Variants in VTI1A observed in about 807,000 individuals in gnomAD.
VTI1A encodes vesicle transport through interaction with t-SNAREs 1A.
A neutral mutation model predicts 34.9 loss-of-function variants in VTI1A; 22 were observed. That is an observed-to-expected ratio of 0.63 (90% CI 0.45 to 0.90). The LOEUF (loss-of-function observed/expected upper bound fraction) is 0.90, where lower values mean the gene tolerates loss of function less well. Ranked by LOEUF, VTI1A falls within the 40% of genes least tolerant of loss-of-function variation. The pLI, the probability that VTI1A is intolerant of heterozygous loss-of-function variation, is 0.00. For synonymous variants in VTI1A, 87 were observed against 97.3 expected (o/e 0.89, Z 0.62); for missense variants, 268 against 275.6 (o/e 0.97, Z 0.20).
chr10:112,510,629 G>A (rs975433178), intron 3 of VTI1A, among the ~76,000 whole-genome samples: 1 of 151,824 alleles, frequency 6.6e-6, no homozygotes, highest in African/African-American at 2.4e-5. Flanking sequence ...GTGAGGCTTT[G>A]ACTCAAAAAA....
upstream of VTI1A, chr10:112,447,083 A>G (rs1846847279): frequency 2.3e-6 from 1 of 438,564 alleles, no homozygotes; most frequent in Non-Finnish European, 4.3e-6. Context: ...CAGAACTTGC[A>G]TATTTTCATA....
intron 5 of VTI1A, among the ~76,000 whole-genome samples, chr10:112,574,057 AT>A (rs1489391458): frequency 6.6e-6 from 1 of 152,118 alleles, no homozygotes; most frequent in Non-Finnish European, 1.5e-5. Context: ...TTTAAATTCC[AT>A]TTTTTTCTAA....
chr10:112,779,919 G>A (rs1283899425), intron 7 of VTI1A, among the ~76,000 whole-genome samples: 1 of 151,850 alleles, frequency 6.6e-6, no homozygotes, highest in Non-Finnish European at 1.5e-5. Context: ...TTGTTCTTTA[G>A]GTTTCTCACA....
intron 7 of VTI1A, among the ~76,000 whole-genome samples, chr10:112,802,558 T>C (rs1367660226): frequency 6.6e-6 from 1 of 152,174 alleles, no homozygotes; most frequent in Non-Finnish European, 1.5e-5. Context: ...CCAGCCAACC[T>C]GAGCTGCTCA....
the VTI1A span, among the ~76,000 whole-genome samples, chr10:112,850,844 G>A: frequency 6.6e-6 from 1 of 152,206 alleles, no homozygotes; most frequent in Non-Finnish European, 1.5e-5. Flanking sequence ...CAGGTGGCAT[G>A]TCCATGAAGC....
chr10:112,486,055 A>G (rs774994268), intron 3 of VTI1A, among the ~76,000 whole-genome samples: 1 of 152,250 alleles, frequency 6.6e-6, no homozygotes, highest in Admixed American at 6.5e-5. Context: ...GGGAAATATT[A>G]TGAATCTCCC....
intron 3 of VTI1A, among the ~76,000 whole-genome samples, chr10:112,510,916 C>A (rs1184144706): frequency 1.3e-5 from 2 of 151,998 alleles, no homozygotes; most frequent in Non-Finnish European, 2.9e-5. Context: ...GTTTAAATTG[C>A]CTGAATTTGA....
At chr10:112,548,163 A>G (rs1589889391) in intron 5 of VTI1A, among the ~76,000 whole-genome samples, 1 of 152,196 alleles carries the variant, frequency 6.6e-6, no homozygotes, top group South Asian at 2.1e-4. Context: ...CAGTACTGCA[A>G]CTTTATCGCC....
intron 7 of VTI1A, among the ~76,000 whole-genome samples, chr10:112,678,216 A>G (rs79390234): frequency 0.045 from 6,844 of 152,126 alleles, 223 homozygotes; most frequent in Non-Finnish European, 0.074. Context: ...CTTTCCTTTT[A>G]TGATTTTCCT....
At chr10:112,778,803 T>C (rs1176632317) in intron 7 of VTI1A, among the ~76,000 whole-genome samples, 1 of 152,136 alleles carries the variant, frequency 6.6e-6, no homozygotes, top group Non-Finnish European at 1.5e-5. Flanking sequence ...TTATCAGACA[T>C]TTTTTTGTCT....
rs768159688 is a variant in VTI1A at position 112,656,521 on chromosome 10, ATTT to A, written c.428-11676_428-11674del. ...TACAGGAGCATACCACACCCAGATAATTTTTTTTTTTTTTTTTTTTTTTGAGAC... is the reference window on the plus strand; with the variant it reads ...TACAGGAGCATACCACACCCAGATAATTTTTTTTTTTTTTTTTTTTGAGAC... On this transcript the variant is annotated intron_variant, in intron 5 of 7. Transcript: ENST00000393077. 8.0e-3 allele frequency among the ~76,000 whole-genome samples: 828 copies of A among 103,168 alleles called. 10 individuals are homozygous for A. The highest frequency in any genetic ancestry group is 0.029 in the African/African-American group (798 of 27,536). 67.7% of individuals were successfully genotyped at this position (103,168 alleles called of 152,430 possible). A position where few individuals can be genotyped will look rare whatever the true frequency, so the allele number is the denominator to read the frequency against.
intron 7 of VTI1A, among the ~76,000 whole-genome samples, chr10:112,779,272 A>G (rs368278913): frequency 1.3e-5 from 2 of 152,250 alleles, no homozygotes; most frequent in Non-Finnish European, 1.5e-5. Flanking sequence ...GCAGCTGAAA[A>G]TAATAGCTTC....
intron 7 of VTI1A, among the ~76,000 whole-genome samples, chr10:112,747,555 A>G (rs1850940469): frequency 6.6e-6 from 1 of 152,238 alleles, no homozygotes. Context: ...TTGTTGACCA[A>G]AACGTTGTTA....
intron 5 of VTI1A, among the ~76,000 whole-genome samples, chr10:112,604,327 C>T (rs968554747): frequency 9.2e-5 from 14 of 152,266 alleles, no homozygotes; most frequent in East Asian, 7.7e-4. Context: ...AAAGTTCATA[C>T]GTGTAAAGAG....
chr10:112,672,248 A>G (rs1847878651), intron 7 of VTI1A, among the ~76,000 whole-genome samples: 1 of 152,230 alleles, frequency 6.6e-6, no homozygotes, highest in Non-Finnish European at 1.5e-5. Context: ...GTGTGCAAAA[A>G]CATTGACATA....
intron 7 of VTI1A, among the ~76,000 whole-genome samples, chr10:112,697,126 T>C (rs1426095339): frequency 6.6e-6 from 1 of 152,088 alleles, no homozygotes; most frequent in East Asian, 1.9e-4. Context: ...GAAAAAGGCG[T>C]ATTAATTAGT....
At chr10:112,821,658 G>A (rs781412110), downstream of VTI1A, among the ~76,000 whole-genome samples, 6 of 152,080 alleles carry the variant, frequency 3.9e-5, no homozygotes, top group African/African-American at 7.2e-5. Context: ...CCACATTTTC[G>A]CGTTACTCTC....
At position 112,502,452 on chromosome 10, in the gene VTI1A, C is replaced by T. The variant is rs1390739672; in HGVS notation, c.265-24635C>T. On this transcript the variant is annotated intron_variant, in intron 3 of 7. Coordinates refer to ENST00000393077, the MANE Select transcript of VTI1A (RefSeq NM_145206.4). ...CCTGTGACCTTCCAGTCAACAACCC[C>T]TACAAAAAAAGAAAGACATTAAATC... 2.6e-5 allele frequency among the ~76,000 whole-genome samples: 4 copies of T among 151,830 alleles called. No individual in the cohort carries two copies. The East Asian group carries it at 5.8e-4, about 22-fold the overall frequency.
intron 5 of VTI1A, among the ~76,000 whole-genome samples, chr10:112,610,161 T>C (rs149150885): frequency 1.5e-5 from 2 of 136,952 alleles, no homozygotes; most frequent in African/African-American, 5.8e-5. Flanking sequence ...ATAAAAATTA[T>C]ATACTTTTCC....
Sources: gnomAD v4.1 joint callset for allele counts (sites outside exome capture counted in the v4.1 genomes callset) on GRCh38, gnomAD v4.1.1 for gene constraint, MANE v1.5 for transcripts, NCBI Gene and HGNC (gene_info 2026-07-23, HGNC 2026-07-21) for gene names.